AASDHPPT: variants seen among roughly 807,000 people sequenced by gnomAD.
The protein encoded by AASDHPPT is aminoadipate-semialdehyde dehydrogenase-phosphopantetheinyl transferase.
Under a neutral mutation model 36.4 loss-of-function variants are expected in AASDHPPT, and 23 were observed. That is an observed-to-expected ratio of 0.63 (90% CI 0.45 to 0.89). The LOEUF is 0.89. Ranked by LOEUF, AASDHPPT falls within the 40% of genes least tolerant of loss-of-function variation. The pLI is 0.00. For synonymous variants in AASDHPPT, 115 were observed against 128.0 expected, an observed-to-expected ratio of 0.90 and a Z score of 0.68; for missense variants, 377 against 378.2, an observed-to-expected ratio of 1.00 and a Z score of 0.03.
In AASDHPPT at chr11:106,097,071, C is replaced by A; in HGVS notation, c.*164C>A. 1 of 629,206 alleles carries A rather than the reference C, an allele frequency of 1.6e-6. No individual in the cohort carries two copies. Among genetic ancestry groups the A allele is most frequent in the South Asian group, 2.6e-5 (1 of 38,876 alleles). The allele number at this position is 629,206 out of a possible 1,614,324, so 39.0% of individuals were successfully genotyped here. ...AAAGCAGACTTCTGGTTCAAGATAGCTCACTGGAATACATGTTTACCTCTT... is the reference window on the plus strand; with the variant it reads ...AAAGCAGACTTCTGGTTCAAGATAGATCACTGGAATACATGTTTACCTCTT... On this transcript the variant is annotated 3_prime_UTR_variant, in exon 6 of 6. Transcript: ENST00000278618.
In AASDHPPT at chr11:106,097,891, T is replaced by C. The variant is rs1302129582; in HGVS notation, c.*984T>C. On this transcript the variant is annotated 3_prime_UTR_variant, in exon 6 of 6. Transcript: ENST00000278618. ...ATAAGAAAGGTTTACCATAATTTAC[T>C]CACTTTTTTCTGTGTTAGACATTTT... 2 of 152,190 alleles carry C rather than the reference T, an allele frequency of 1.3e-5. No individual in the cohort carries two copies. Among genetic ancestry groups the C allele is most frequent in the Non-Finnish European group, 2.9e-5 (2 of 68,004 alleles). 9.4% of individuals were successfully genotyped at this position (152,190 alleles called of 1,614,324 possible). A position where few individuals can be genotyped will look rare whatever the true frequency, so the allele number is the denominator to read the frequency against.
chr11:106,091,189 A>G, intron 3 of AASDHPPT, 127 bp from the exon 4 acceptor site: 2 of 736,502 alleles, frequency 2.7e-6, no homozygotes, highest in Non-Finnish European at 4.2e-6. Flanking sequence ...GTTTTTTTTT[A>G]AAAAGGTTAT....
At chr11:106,082,606 T>C (rs146784391) in intron 2 of AASDHPPT, among the ~76,000 whole-genome samples, 1 of 152,300 alleles carries the variant, frequency 6.6e-6, no homozygotes, top group Non-Finnish European at 1.5e-5. Context: ...TCTTTTTCTT[T>C]CATGGTGCAT....
chr11:106,078,082 T>G (rs991509800), intron 1 of AASDHPPT, among the ~76,000 whole-genome samples, 189 bp downstream of exon 1: 4 of 152,212 alleles, frequency 2.6e-5, no homozygotes, highest in Non-Finnish European at 5.9e-5. Flanking sequence ...CCACGGCCTT[T>G]GTAACCGCCT....
At chr11:106,087,467 CT>C (rs1462162356) in intron 2 of AASDHPPT, among the ~76,000 whole-genome samples, 5 of 152,066 alleles carry the variant, frequency 3.3e-5, no homozygotes, top group Non-Finnish European at 7.4e-5. Flanking sequence ...AATTTTGGTA[CT>C]TTGAAGCAAG....
chr11:106,094,741 A>T, intron 5 of AASDHPPT, 87 bp downstream of exon 5: 1 of 1,029,538 alleles, frequency 9.7e-7, no homozygotes, highest in East Asian at 2.7e-5. Context: ...CATTTGCCTT[A>T]TATCAGTTTA....
rs1861338165 is a variant in AASDHPPT, at chr11:106,098,207, A to G, written c.*1300A>G. The stretch of plus-strand genomic sequence containing the variant: ...CATTTTTAAAATTTGTATTTCTTTC[A>G]TTACAAATAAGATTGTTATGTCAGT... On this transcript the variant is annotated 3_prime_UTR_variant, in exon 6 of 6. Coordinates refer to ENST00000278618, the MANE Select transcript of AASDHPPT (RefSeq NM_015423.3). 6.6e-6 allele frequency: 1 copy of G among 152,116 alleles called. No individual in the cohort carries two copies. Among genetic ancestry groups the G allele is most frequent in the African/African-American group, 2.4e-5 (1 of 41,436 alleles). 9.4% of individuals were successfully genotyped at this position (152,116 alleles called of 1,614,324 possible).
At chr11:106,096,606 A>G (rs1861316625) in intron 5 of AASDHPPT, 137 bp from the exon 6 acceptor site, 1 of 594,064 alleles carries the variant, frequency 1.7e-6, no homozygotes, top group Non-Finnish European at 2.6e-6. Flanking sequence ...AGAAATACAA[A>G]CAATGTTCTA....
Position 106,091,602 on chromosome 11 carries a change from A to G in AASDHPPT, c.693+125A>G, listed in dbSNP as rs564735349. Reference sequence around the variant, plus strand: ...CTGAATCCAGTCCTGCTGCTCTGAAAGTGAAATCAGGGCTACTATGAGAGC... The same window carrying G: ...CTGAATCCAGTCCTGCTGCTCTGAAGGTGAAATCAGGGCTACTATGAGAGC... On this transcript the variant is annotated intron_variant, in intron 4 of 5. Coordinates refer to ENST00000278618, the MANE Select transcript of AASDHPPT (RefSeq NM_015423.3). 56 of 906,532 alleles carry G rather than the reference A, an allele frequency of 6.2e-5. No homozygotes were observed. The African/African-American group carries it at 8.0e-4, about 13-fold the overall frequency. The allele number at this position is 906,532 out of a possible 1,614,324, so 56.2% of individuals were successfully genotyped here.
chr11:106,089,818 T>C (rs1320990949), intron 2 of AASDHPPT, among the ~76,000 whole-genome samples: 1 of 152,016 alleles, frequency 6.6e-6, no homozygotes, highest in East Asian at 1.9e-4. Flanking sequence ...TCTTTTGTCA[T>C]TTATTTTTAG....
Position 106,093,628 on chromosome 11 carries a change from AG to A in AASDHPPT, c.694-954del, listed in dbSNP as rs557729623. 2.1e-3 allele frequency: 320 copies of A among 152,216 alleles called. 3 individuals are homozygous for A. Among genetic ancestry groups the A allele is most frequent in the African/African-American group, 7.4e-3 (307 of 41,532 alleles). The allele number at this position is 152,216 out of a possible 1,614,324, so 9.4% of individuals were successfully genotyped here. ...GGAAGAAGAAGATAAAAAATGAAAAAGCTCCCTAAGTACTATTTCTAATTGT... is the reference window on the plus strand; with the variant it reads ...GGAAGAAGAAGATAAAAAATGAAAAACTCCCTAAGTACTATTTCTAATTGT... On this transcript the variant is annotated intron_variant, in intron 4 of 5. Transcript: ENST00000278618.
At chr11:106,088,525 A>G (rs974999056) in intron 2 of AASDHPPT, among the ~76,000 whole-genome samples, 36 of 152,214 alleles carry the variant, frequency 2.4e-4, no homozygotes, top group South Asian at 1.0e-3. Context: ...TCAACAAGAA[A>G]CAGTTTTTGA....
At chr11:106,080,736 T>C (rs1861130128) in intron 2 of AASDHPPT, among the ~76,000 whole-genome samples, 1 of 152,228 alleles carries the variant, frequency 6.6e-6, no homozygotes, top group Admixed American at 6.5e-5. Context: ...ATCTTCCTAA[T>C]TTCATAGTAA....
chr11:106,081,705 G>T (rs1322290998), intron 2 of AASDHPPT, among the ~76,000 whole-genome samples: 1 of 152,116 alleles, frequency 6.6e-6, no homozygotes, highest in African/African-American at 2.4e-5. Flanking sequence ...CAGTTAACTT[G>T]ATGGGCAGTG....
intron 2 of AASDHPPT, among the ~76,000 whole-genome samples, chr11:106,085,474 C>T: frequency 6.6e-6 from 1 of 150,428 alleles, no homozygotes. Flanking sequence ...GCTTTTGAAG[C>T]TTAAAATAAT....
chr11:106,080,017 G>A (rs902957811), intron 2 of AASDHPPT, among the ~76,000 whole-genome samples: 1 of 151,990 alleles, frequency 6.6e-6, no homozygotes, highest in East Asian at 1.9e-4. Context: ...TCAGTTAATT[G>A]TTTGTTTTTT....
At chr11:106,089,400 A>C (rs1229454669) in intron 2 of AASDHPPT, 2 of 152,064 alleles carry the variant, frequency 1.3e-5, no homozygotes, top group Non-Finnish European at 2.9e-5. Context: ...TACCTTCAAA[A>C]GGTTTTCTGG....
intron 5 of AASDHPPT, among the ~76,000 whole-genome samples, chr11:106,095,274 G>T (rs1861301756): frequency 6.6e-6 from 1 of 152,156 alleles, no homozygotes; most frequent in African/African-American, 2.4e-5. Flanking sequence ...ATTTCTTGGT[G>T]AATTGGGGTT....
At chr11:106,084,639 CTT>C (rs1157528432) in intron 2 of AASDHPPT, among the ~76,000 whole-genome samples, 1 of 145,166 alleles carries the variant, frequency 6.9e-6, no homozygotes, top group Non-Finnish European at 1.5e-5. Context: ...ATAGCAGAAT[CTT>C]TTTTTTTTTT....
Sources: allele counts gnomAD v4.1 joint callset (sites outside exome capture counted in the v4.1 genomes callset), GRCh38; gene constraint gnomAD v4.1.1; transcripts MANE v1.5; gene names NCBI Gene and HGNC (gene_info 2026-07-23, HGNC 2026-07-21).